The following TXNRD3 variants were observed in gnomAD, a reference collection of about 807,000 sequenced individuals.
TXNRD3 encodes the protein thioredoxin reductase 3, also known as TXNRD3 neighbor gene protein.
In TXNRD3, 68 loss-of-function variants were observed where a neutral mutation model predicts 78.2. That is an observed-to-expected ratio of 0.87 (90% CI 0.72 to 1.06). The LOEUF (loss-of-function observed/expected upper bound fraction) is 1.06. TXNRD3 is among the 50% of genes least tolerant of loss of function. The probability of loss-of-function intolerance (pLI) is 0.00; values close to 1 mark genes in which losing one functional copy is unlikely to be tolerated. For synonymous variants in TXNRD3, 296 were observed against 300.1 expected (o/e 0.99, Z 0.14); for missense variants, 751 against 809.5 (o/e 0.93, Z 0.88).
Position 126,607,446 on chromosome 3 carries a change from G to A in TXNRD3, c.*459C>T, listed in dbSNP as rs112535698. On this transcript the variant is annotated 3_prime_UTR_variant, in exon 16 of 16. Coordinates refer to ENST00000524230, the MANE Select transcript of TXNRD3 (RefSeq NM_052883.3). ...CAGCCCACAGACACTGTTCACCAGTGAGCATGTGTGAATTCTAGGCCCACG... is the reference window on the plus strand; with the variant it reads ...CAGCCCACAGACACTGTTCACCAGTAAGCATGTGTGAATTCTAGGCCCACG... The A allele has an allele frequency of 7.2e-3, 1,101 of 152,576 alleles. 7 individuals carry two copies. The highest frequency in any genetic ancestry group is 0.02 in the Middle Eastern group (6 of 296). The allele number at this position is 152,576 out of a possible 1,614,324, so 9.5% of individuals were successfully genotyped here.
intron 6 of TXNRD3, among the ~76,000 whole-genome samples, chr3:126,634,625 T>A (rs950278796): frequency 6.6e-6 from 1 of 152,162 alleles, no homozygotes; most frequent in East Asian, 1.9e-4. Context: ...AGGATTCGGG[T>A]GTTGGAATTC....
intron 1 of TXNRD3, among the ~76,000 whole-genome samples, chr3:126,650,180 T>C (rs144880870): frequency 2.1e-4 from 32 of 152,320 alleles, no homozygotes; most frequent in Middle Eastern, 3.4e-3. Flanking sequence ...TGCGTTATTA[T>C]CTTACATCTG....
At position 126,647,297 on chromosome 3, in the gene TXNRD3, C is replaced by T. The variant is rs1178864976; in HGVS notation, c.244-1G>A. 4 of 1,534,394 alleles carry T rather than the reference C, an allele frequency of 2.6e-6. No homozygotes were observed. Among genetic ancestry groups the T allele is most frequent in the African/African-American group, 1.4e-5 (1 of 72,916 alleles). ...CCAAAGAAGAAAAGAGTTCTTTCAC[C>T]TGTAAAAAAAATTTAGCTAAGTTTC... On this transcript the variant is annotated splice_acceptor_variant, in intron 1 of 15. Transcript: ENST00000524230. LOFTEE classifies it high-confidence loss of function.
chr3:126,608,390 A>T (rs918102927), intron 15 of TXNRD3, 109 bp downstream of exon 15: 2 of 1,175,162 alleles, frequency 1.7e-6, no homozygotes, highest in East Asian at 2.7e-5. Flanking sequence ...AAATAAATTT[A>T]AAAATATACA....
At chr3:126,633,556 T>C (rs979833339) in intron 7 of TXNRD3, among the ~76,000 whole-genome samples, 13 of 152,166 alleles carry the variant, frequency 8.5e-5, no homozygotes, top group African/African-American at 3.1e-4. Context: ...AATATTGGAG[T>C]TCTAGTTAAG....
At chr3:126,648,032 G>T (rs967150382) in intron 1 of TXNRD3, among the ~76,000 whole-genome samples, 3 of 152,096 alleles carry the variant, frequency 2.0e-5, no homozygotes, top group African/African-American at 7.2e-5. Flanking sequence ...AAGTTGCATT[G>T]TACAAAATCA....
chr3:126,621,897 TC>T lies in TXNRD3; in HGVS notation c.1368del (p.Ser457ValfsTer6). The T allele has an allele frequency of 6.7e-7, 1 of 1,500,070 alleles. No individual in the cohort carries two copies. Among genetic ancestry groups the T allele is most frequent in the Non-Finnish European group, 8.8e-7 (1 of 1,134,098 alleles). 92.9% of individuals were successfully genotyped at this position (1,500,070 alleles called of 1,614,324 possible). A position where few individuals can be genotyped will look rare whatever the true frequency, so the allele number is the denominator to read the frequency against. ...ACATCATTTACAGGTATTTTTCCAC[TC>T]CTATTAGTTTTTGAAATGGGAAAAA... is the stretch of plus-strand genomic sequence containing the variant. On this transcript the variant is annotated frameshift_variant and splice_region_variant, in exon 12 of 16. Transcript: ENST00000524230. LOFTEE classifies it high-confidence loss of function.
intron 3 of TXNRD3, among the ~76,000 whole-genome samples, chr3:126,644,605 A>G (rs1418684493): frequency 6.6e-6 from 1 of 152,246 alleles, no homozygotes; most frequent in Non-Finnish European, 1.5e-5. Flanking sequence ...CAAAGTACAT[A>G]TGTTTTTGTC....
intron 14 of TXNRD3, among the ~76,000 whole-genome samples, chr3:126,609,689 G>A (rs541899014): frequency 6.6e-6 from 1 of 152,274 alleles, no homozygotes; most frequent in South Asian, 2.1e-4. Context: ...TGTGGCCTAG[G>A]GATCTGGGCG....
intron 1 of TXNRD3, among the ~76,000 whole-genome samples, chr3:126,648,598 G>C (rs1559780476): frequency 6.6e-6 from 1 of 152,176 alleles, no homozygotes; most frequent in Non-Finnish European, 1.5e-5. Flanking sequence ...ATGGGGAAAG[G>C]AGAGTCTTTT....
At chr3:126,649,589 A>G (rs556811488) in intron 1 of TXNRD3, among the ~76,000 whole-genome samples, 1 of 152,374 alleles carries the variant, frequency 6.6e-6, no homozygotes, top group East Asian at 1.9e-4. Flanking sequence ...GGTGGAAGCA[A>G]TGCAAGTGAC....
intron 10 of TXNRD3, among the ~76,000 whole-genome samples, chr3:126,628,703 A>G (rs894988728): frequency 7.2e-5 from 11 of 152,122 alleles, no homozygotes; most frequent in African/African-American, 2.2e-4. Flanking sequence ...TACCATGTTC[A>G]TGGGTGGGAA....
chr3:126,625,637 C>A (rs1192137404), intron 10 of TXNRD3, among the ~76,000 whole-genome samples: 1 of 152,008 alleles, frequency 6.6e-6, no homozygotes, highest in Non-Finnish European at 1.5e-5. Context: ...GTCTTTATAG[C>A]AACATTATTT....
chr3:126,635,364 G>A (rs1256364310), intron 6 of TXNRD3, among the ~76,000 whole-genome samples: 2 of 152,194 alleles, frequency 1.3e-5, no homozygotes, highest in Admixed American at 1.3e-4. Context: ...GGAATCAGGA[G>A]TGGGACCCCA....
At chr3:126,627,023 G>A (rs960227104) in intron 10 of TXNRD3, among the ~76,000 whole-genome samples, 1 of 152,124 alleles carries the variant, frequency 6.6e-6, no homozygotes, top group African/African-American at 2.4e-5. Context: ...AGGAGTTGGA[G>A]GCTGCAGTGA....
chr3:126,632,659 CAAA>C (rs71615915), intron 7 of TXNRD3, among the ~76,000 whole-genome samples: 4 of 59,310 alleles, frequency 6.7e-5, no homozygotes, highest in Admixed American at 1.8e-4. Context: ...GACTCTGTCT[CAAA>C]AAAAAAAAAA....
At chr3:126,624,817 CA>C (rs1196276022) in intron 10 of TXNRD3, 1 of 197,358 alleles carries the variant, frequency 5.1e-6, no homozygotes, top group Non-Finnish European at 1.1e-5. Flanking sequence ...ATGCTCTATA[CA>C]ATCCATAACA....
intron 13 of TXNRD3, 139 bp from the exon 14 acceptor site, chr3:126,611,271 A>G (rs1208050958): frequency 4.2e-6 from 2 of 479,660 alleles, no homozygotes; most frequent in Non-Finnish European, 7.1e-6. Context: ...AACTTTATGT[A>G]TCTGTTGGGA....
At chr3:126,612,848 C>A (rs969645713) in intron 13 of TXNRD3, among the ~76,000 whole-genome samples, 7 of 152,182 alleles carry the variant, frequency 4.6e-5, no homozygotes, top group African/African-American at 1.2e-4. Context: ...CCCACTTATT[C>A]CAGCACCCTT....
Sources: allele counts gnomAD v4.1 joint callset (sites outside exome capture counted in the v4.1 genomes callset), GRCh38; gene constraint gnomAD v4.1.1; transcripts MANE v1.5; gene names NCBI Gene and HGNC (gene_info 2026-07-23, HGNC 2026-07-21).